The following DENND2C variants were observed in gnomAD, a reference collection of about 807,000 sequenced individuals.
DENND2C encodes the protein DENN domain-containing protein 2C.
DENND2C carries 72 observed loss-of-function variants against 112.4 expected under a neutral mutation model. The ratio of observed to expected loss-of-function variants is 0.64; its 90% CI spans 0.53 to 0.78. DENND2C has a LOEUF of 0.78. DENND2C is among the 30% of genes least tolerant of loss of function. The pLI, the probability that DENND2C is intolerant of heterozygous loss-of-function variation, is 0.00. For synonymous variants in DENND2C, 329 were observed against 381.6 expected (o/e 0.86, Z 1.61); for missense variants, 992 against 1,113.8 (o/e 0.89, Z 1.56).
intron 7 of DENND2C, 117 bp downstream of exon 7, chr1:114,621,778 T>G: frequency 4.5e-6 from 6 of 1,331,370 alleles, no homozygotes; most frequent in Non-Finnish European, 6.1e-6. Context: ...CTTCTAAGTC[T>G]TCTAATCCCA....
intron 1 of DENND2C, among the ~76,000 whole-genome samples, chr1:114,660,488 A>T (rs1014633753): frequency 3.3e-5 from 5 of 152,076 alleles, no homozygotes; most frequent in African/African-American, 1.2e-4. Context: ...GAGGATGTCT[A>T]TACTTTCAGC....
intron 11 of DENND2C, among the ~76,000 whole-genome samples, chr1:114,603,845 A>G (rs1462205337): frequency 6.6e-6 from 1 of 152,168 alleles, no homozygotes. Context: ...CCTAAATCCA[A>G]ACTTGAACAA....
At chr1:114,591,961 T>C (rs946602663) in intron 18 of DENND2C, among the ~76,000 whole-genome samples, 1 of 151,994 alleles carries the variant, frequency 6.6e-6, no homozygotes, top group Non-Finnish European at 1.5e-5. Context: ...CTTGGCTCAC[T>C]GCAACCTCCA....
In DENND2C at chr1:114,603,167, G is replaced by A. The variant is rs1031484239; in HGVS notation, c.1668-973C>T. Among the ~76,000 whole-genome samples, 13 of 149,880 alleles carry A rather than the reference G, an allele frequency of 8.7e-5. No individual in the cohort carries two copies. The East Asian group carries it at 2.3e-3, about 27-fold the overall frequency. On this transcript the variant is annotated intron_variant, in intron 11 of 20. Transcript: ENST00000393274. ...ATTTTTTTTTTTTTTCTGAGACGGA[G>A]TCTCACTCTGTCGCCCAGGCTGGAG... is the stretch of plus-strand genomic sequence containing the variant.
rs1235341819 is a variant in DENND2C, at chr1:114,622,058, G to A, written c.1064C>T (p.Pro355Leu). Residue 355 changes from proline (P) to leucine (L), a missense_variant, in exon 7 of 21, where the codon CCA becomes CTA. Coordinates refer to ENST00000393274, the MANE Select transcript of DENND2C (RefSeq NM_001256404.2). ...KSAFKAPKLP[P>L]KPQFLHRKTM... ...CTTCCGGTGAAGGAACTGAGGTTTT[G>A]GAGGGAGCTAAAACAGGAGAAGATG... 7 of 1,538,820 alleles carry A rather than the reference G, an allele frequency of 4.5e-6. No homozygotes were observed. The highest frequency in any genetic ancestry group is 6.1e-6 in the Non-Finnish European group (7 of 1,142,950).
chr1:114,608,790 A>G lies in DENND2C; in HGVS notation c.1453T>C (p.Leu485=). 6.2e-7 allele frequency: 1 copy of G among 1,614,194 alleles called. No homozygotes were observed. The highest frequency in any genetic ancestry group is 1.6e-4 in the Middle Eastern group (1 of 6,062). The change falls in exon 10 of 21, where the codon TTA becomes CTA. Residue 485 remains leucine (L), a synonymous_variant. Coordinates refer to ENST00000393274, the MANE Select transcript of DENND2C (RefSeq NM_001256404.2). ...YQTLERDLIE[L]QEQQLFELFV... ...AGTTCAAACAGCTGCTGCTCCTGTA[A>G]TTCAATAAGATCCCGCTCCAAGGTC...
intron 7 of DENND2C, 114 bp downstream of exon 7, chr1:114,621,781 T>C: frequency 1.5e-6 from 2 of 1,343,922 alleles, no homozygotes; most frequent in East Asian, 5.0e-5. Context: ...CTAAGTCTTC[T>C]AATCCCAGTA....
At chr1:114,667,861 T>G (rs1657688362) in intron 1 of DENND2C, among the ~76,000 whole-genome samples, 1 of 152,156 alleles carries the variant, frequency 6.6e-6, no homozygotes, top group Admixed American at 6.5e-5. Flanking sequence ...TCTATGCCTC[T>G]TAATGAGATA....
intron 3 of DENND2C, among the ~76,000 whole-genome samples, chr1:114,633,750 A>C (rs992901479): frequency 6.6e-6 from 1 of 152,214 alleles, no homozygotes; most frequent in African/African-American, 2.4e-5. Context: ...CATGGAACAA[A>C]CAGAAAATGA....
intron 8 of DENND2C, among the ~76,000 whole-genome samples, chr1:114,614,146 C>T (rs1655893762): frequency 6.6e-6 from 1 of 150,478 alleles, no homozygotes; most frequent in East Asian, 2.0e-4. Context: ...GTGGGAGGAT[C>T]GCTTGAACCC....
chr1:114,587,657 A>G, intron 19 of DENND2C, 59 bp downstream of exon 19: 2 of 1,473,958 alleles, frequency 1.4e-6, no homozygotes, highest in Non-Finnish European at 1.8e-6. Flanking sequence ...TTCATAATAT[A>G]GTAAAATCTT....
At chr1:114,633,161 C>G (rs1426338802) in intron 3 of DENND2C, among the ~76,000 whole-genome samples, 2 of 151,974 alleles carry the variant, frequency 1.3e-5, no homozygotes, top group Non-Finnish European at 1.5e-5. Flanking sequence ...TTAAAAATCA[C>G]TTTATGCCGG....
At chr1:114,597,722 G>T (rs1655383272) in intron 16 of DENND2C, among the ~76,000 whole-genome samples, 1 of 152,144 alleles carries the variant, frequency 6.6e-6, no homozygotes, top group African/African-American at 2.4e-5. Flanking sequence ...GGCAGAAGTT[G>T]CAGTGAGCTG....
intron 10 of DENND2C, 71 bp from the exon 11 acceptor site, chr1:114,605,102 C>T (rs1333036799): frequency 1.8e-5 from 21 of 1,181,356 alleles, no homozygotes; most frequent in Admixed American, 2.6e-5. Context: ...AAAAACTCAG[C>T]CTTGTCTCAG....
At chr1:114,643,097 A>G (rs1179348997) in intron 3 of DENND2C, among the ~76,000 whole-genome samples, 1 of 152,198 alleles carries the variant, frequency 6.6e-6, no homozygotes, top group Non-Finnish European at 1.5e-5. Context: ...GAAAAAGAGG[A>G]AAGTCAGGGA....
At chr1:114,668,605 G>A (rs934508612) in intron 1 of DENND2C, among the ~76,000 whole-genome samples, 2 of 150,980 alleles carry the variant, frequency 1.3e-5, no homozygotes, top group Admixed American at 6.6e-5. Flanking sequence ...CCTGGTTTCT[G>A]CCTGGCAAAC....
intron 16 of DENND2C, among the ~76,000 whole-genome samples, chr1:114,597,600 C>T (rs1358131533): frequency 1.3e-5 from 2 of 151,222 alleles, no homozygotes; most frequent in Non-Finnish European, 3.0e-5. Flanking sequence ...TGGCCAACAT[C>T]GTGAAACCCC....
intron 18 of DENND2C, among the ~76,000 whole-genome samples, chr1:114,590,514 C>G (rs1206154276): frequency 1.3e-5 from 2 of 151,792 alleles, no homozygotes; most frequent in African/African-American, 2.4e-5. Flanking sequence ...CGCGGTGGCT[C>G]ACGCCTGTAA....
rs61417132 is a variant in DENND2C at position 114,661,106 on chromosome 1, C to CAAAAA, written c.-573-6350_-573-6346dup. Among the ~76,000 whole-genome samples, 140 of 101,706 alleles carry CAAAAA rather than the reference C, an allele frequency of 1.4e-3. 2 individuals carry two copies. Among genetic ancestry groups the CAAAAA allele is most frequent in the Non-Finnish European group, 2.1e-3 (102 of 49,508 alleles). The allele number at this position is 101,706 out of a possible 152,430, so 66.7% of individuals were successfully genotyped here. A position where few individuals can be genotyped will look rare whatever the true frequency, so the allele number is the denominator to read the frequency against. Reference sequence around the variant, plus strand: ...TGGGCGACAGAGCGAGACTCCGTCTCAAAAAAAAAAAAAAAAAAAAGAAAA... The same window carrying CAAAAA: ...TGGGCGACAGAGCGAGACTCCGTCTCAAAAAAAAAAAAAAAAAAAAAAAAAGAAAA... On this transcript the variant is annotated intron_variant, in intron 1 of 20. Coordinates refer to ENST00000393274, the MANE Select transcript of DENND2C (RefSeq NM_001256404.2).
Sources: allele counts gnomAD v4.1 joint callset (sites outside exome capture counted in the v4.1 genomes callset), GRCh38; gene constraint gnomAD v4.1.1; transcripts MANE v1.5; gene names NCBI Gene and HGNC (gene_info 2026-07-23, HGNC 2026-07-21).